ZNF407: variants seen among roughly 807,000 people sequenced by gnomAD.
The protein encoded by ZNF407 is zinc finger protein 407.
In ZNF407, 17 loss-of-function variants were observed where a neutral mutation model predicts 131.2. That is an observed-to-expected ratio of 0.13 (90% CI 0.09 to 0.19). ZNF407 has a LOEUF of 0.19. Among genes scored for constraint, ZNF407 ranks in the 10% least tolerant of loss-of-function variants. ZNF407 has a pLI of 1.00. For missense variants in ZNF407, 2,681 were observed against 2,830.6 expected (o/e 0.95, Z 1.20); for synonymous variants, 1,156 against 1,062.0 (o/e 1.09, Z -1.72).
At chr18:75,054,788 A>T (rs773595078) in intron 8 of ZNF407, among the ~76,000 whole-genome samples, 2 of 152,246 alleles carry the variant, frequency 1.3e-5, no homozygotes, top group Non-Finnish European at 2.9e-5. Context: ...GCAGCCTTAC[A>T]GTAAGCAGGG....
At position 74,808,055 on chromosome 18, in the gene ZNF407, T is replaced by C. The variant is rs569840812; in HGVS notation, c.4877+26553T>C. On this transcript the variant is annotated intron_variant, in intron 4 of 8. Coordinates refer to ENST00000299687, the MANE Select transcript of ZNF407 (RefSeq NM_017757.3). ...TGAGACAGAGTTTCACTCTTGTTGCTCAGGCTGGAGTTCGATGGCGCGATC... is the reference window on the plus strand; with the variant it reads ...TGAGACAGAGTTTCACTCTTGTTGCCCAGGCTGGAGTTCGATGGCGCGATC... 2.7e-3 allele frequency among the ~76,000 whole-genome samples: 404 copies of C among 152,092 alleles called. 4 individuals carry two copies. The highest frequency in any genetic ancestry group is 9.2e-3 in the African/African-American group (382 of 41,502).
intron 8 of ZNF407, among the ~76,000 whole-genome samples, chr18:74,963,703 C>T (rs1038067345): frequency 1.3e-5 from 2 of 152,184 alleles, no homozygotes; most frequent in African/African-American, 4.8e-5. Context: ...TTAAACAACA[C>T]TATTATAAAA....
intron 8 of ZNF407, among the ~76,000 whole-genome samples, chr18:74,982,034 T>G (rs1432946974): frequency 6.6e-6 from 1 of 152,190 alleles, no homozygotes; most frequent in African/African-American, 2.4e-5. Flanking sequence ...CTTCACAAGA[T>G]TTATCTAAGA....
At chr18:74,642,281 A>G (rs1344080710) in intron 3 of ZNF407, among the ~76,000 whole-genome samples, 1 of 152,116 alleles carries the variant, frequency 6.6e-6, no homozygotes, top group African/African-American at 2.4e-5. Context: ...GATGAGTGGG[A>G]GAATGAGTTT....
intron 1 of ZNF407, among the ~76,000 whole-genome samples, chr18:74,608,553 G>A (rs1282417767): frequency 6.6e-6 from 1 of 151,998 alleles, no homozygotes; most frequent in Non-Finnish European, 1.5e-5. Flanking sequence ...CTCCATGTTG[G>A]CCAGGCGGGT....
At chr18:74,876,261 C>T (rs989083735) in intron 4 of ZNF407, among the ~76,000 whole-genome samples, 1 of 152,184 alleles carries the variant, frequency 6.6e-6, no homozygotes, top group African/African-American at 2.4e-5. Context: ...TGCTTGTCAA[C>T]TCGTTATAAT....
chr18:74,693,500 A>G (rs1437281043), intron 3 of ZNF407, among the ~76,000 whole-genome samples: 1 of 152,052 alleles, frequency 6.6e-6, no homozygotes, highest in African/African-American at 2.4e-5. Context: ...CTTTCTCTTC[A>G]GTTTTGAAGG....
chr18:74,607,719 A>T (rs966753165), intron 1 of ZNF407, among the ~76,000 whole-genome samples: 2 of 147,406 alleles, frequency 1.4e-5, no homozygotes, highest in South Asian at 2.1e-4. Flanking sequence ...TATTTTGTGT[A>T]CTTAAATAAT....
intron 4 of ZNF407, among the ~76,000 whole-genome samples, chr18:74,812,898 G>A (rs555224761): frequency 8.2e-4 from 125 of 152,144 alleles, no homozygotes; most frequent in African/African-American, 2.8e-3. Flanking sequence ...AAGATATTTT[G>A]TTATTTGGTT....
chr18:74,656,977 G>A (rs1463560859), intron 3 of ZNF407, among the ~76,000 whole-genome samples: 2 of 151,686 alleles, frequency 1.3e-5, no homozygotes, highest in East Asian at 1.9e-4. Flanking sequence ...GCTTATTACT[G>A]TGATATACTT....
At chr18:74,843,827 T>A (rs545195014) in intron 4 of ZNF407, among the ~76,000 whole-genome samples, 1 of 152,334 alleles carries the variant, frequency 6.6e-6, no homozygotes, top group Admixed American at 6.5e-5. Context: ...TCCACTTGTG[T>A]TTATTTATCA....
rs539900052 is a variant in ZNF407, at chr18:74,966,321, A to G, written c.5428+45629A>G. 3.0e-4 allele frequency among the ~76,000 whole-genome samples: 46 copies of G among 152,270 alleles called. 1 individual carries two copies. The highest frequency in any genetic ancestry group is 1.1e-3 in the African/African-American group (46 of 41,552). Reference sequence around the variant, plus strand: ...GGTCTTAGATTTAAGTCTTTAATCCATTTTTATTTGATTTTTGTATATGGT... The same window carrying G: ...GGTCTTAGATTTAAGTCTTTAATCCGTTTTTATTTGATTTTTGTATATGGT... On this transcript the variant is annotated intron_variant, in intron 8 of 8. Transcript: ENST00000299687.
chr18:74,709,483 A>G (rs766459165), intron 3 of ZNF407, among the ~76,000 whole-genome samples: 3 of 152,226 alleles, frequency 2.0e-5, no homozygotes, highest in Non-Finnish European at 2.9e-5. Context: ...CATAATATTG[A>G]TAATGTATTA....
intron 8 of ZNF407, among the ~76,000 whole-genome samples, chr18:75,012,126 G>T (rs1429196707): frequency 6.6e-6 from 1 of 152,140 alleles, no homozygotes; most frequent in Non-Finnish European, 1.5e-5. Flanking sequence ...TGACAGTTGA[G>T]CTGTCACATT....
chr18:74,681,927 A>G (rs1348886984), intron 3 of ZNF407, among the ~76,000 whole-genome samples: 1 of 152,220 alleles, frequency 6.6e-6, no homozygotes, highest in African/African-American at 2.4e-5. Context: ...TGTTGAATAT[A>G]TAGTCCAAGG....
At chr18:74,843,775 C>T (rs1599191207) in intron 4 of ZNF407, among the ~76,000 whole-genome samples, 1 of 152,104 alleles carries the variant, frequency 6.6e-6, no homozygotes, top group Admixed American at 6.5e-5. Flanking sequence ...ACAGATCTTA[C>T]CTTACAGCAT....
chr18:74,980,554 G>A (rs1487631223), intron 8 of ZNF407, among the ~76,000 whole-genome samples: 3 of 151,952 alleles, frequency 2.0e-5, no homozygotes, highest in Non-Finnish European at 2.9e-5. Context: ...TGATCCACCC[G>A]CCTCGGCCTC....
At chr18:74,722,320 T>TA (rs1968058178) in intron 3 of ZNF407, among the ~76,000 whole-genome samples, 1 of 152,156 alleles carries the variant, frequency 6.6e-6, no homozygotes, top group African/African-American at 2.4e-5. Context: ...TTCACCTTTT[T>TA]AAAAAAAGTT....
intron 3 of ZNF407, among the ~76,000 whole-genome samples, chr18:74,684,147 C>G (rs1967045393): frequency 6.6e-6 from 1 of 151,952 alleles, no homozygotes; most frequent in Non-Finnish European, 1.5e-5. Flanking sequence ...TTGTTGAGCT[C>G]CACAGATTAA....
Sources: allele counts gnomAD v4.1 joint callset (sites outside exome capture counted in the v4.1 genomes callset), GRCh38; gene constraint gnomAD v4.1.1; transcripts MANE v1.5; gene names NCBI Gene and HGNC (gene_info 2026-07-23, HGNC 2026-07-21).